The following SGCD variants were observed in gnomAD, a reference collection of about 807,000 sequenced individuals.
SGCD encodes the protein sarcoglycan delta, also known as delta-sarcoglycan.
A neutral mutation model predicts 36.6 loss-of-function variants in SGCD; 18 were observed. The ratio of observed to expected loss-of-function variants is 0.49; its 90% CI spans 0.34 to 0.73. The LOEUF is 0.73. SGCD is among the 30% of genes least tolerant of loss of function. The pLI, the probability that SGCD is intolerant of heterozygous loss-of-function variation, is 0.01. For synonymous variants in SGCD, 133 were observed against 130.6 expected, an observed-to-expected ratio of 1.02 and a Z score of -0.12; for missense variants, 387 against 346.7, an observed-to-expected ratio of 1.12 and a Z score of -0.92.
At chr5:155,916,402 T>A (rs1756742329) in intron 1 of SGCD, among the ~76,000 whole-genome samples, 1 of 152,216 alleles carries the variant, frequency 6.6e-6, no homozygotes, top group South Asian at 2.1e-4. Flanking sequence ...ATTATTTTTT[T>A]AAAAGTTTGA....
chr5:156,462,206 A>G (rs1426283651), intron 3 of SGCD, among the ~76,000 whole-genome samples: 1 of 143,308 alleles, frequency 7.0e-6, no homozygotes, highest in Admixed American at 6.9e-5. Context: ...CCAGATGACA[A>G]TAACAATAAA....
intron 1 of SGCD, among the ~76,000 whole-genome samples, chr5:156,054,284 CTTTT>C (rs70981996): frequency 6.2e-5 from 5 of 80,384 alleles, no homozygotes; most frequent in Admixed American, 1.4e-4. Context: ...AACTTTCCTT[CTTTT>C]TTTTTTTTTT....
intron 1 of SGCD, among the ~76,000 whole-genome samples, chr5:156,109,669 C>T (rs972049226): frequency 8.5e-5 from 13 of 152,266 alleles, no homozygotes; most frequent in East Asian, 1.9e-4. Flanking sequence ...CTTAATCTCT[C>T]TTCCCCTCTT....
the SGCD span, among the ~76,000 whole-genome samples, chr5:155,808,572 C>T: frequency 6.6e-6 from 1 of 152,120 alleles, no homozygotes; most frequent in Non-Finnish European, 1.5e-5. Context: ...TGGCATTGGG[C>T]AAACTATTGC....
At chr5:156,084,707 T>G (rs1206635130) in intron 1 of SGCD, among the ~76,000 whole-genome samples, 1 of 152,254 alleles carries the variant, frequency 6.6e-6, no homozygotes, top group Non-Finnish European at 1.5e-5. Flanking sequence ...CTTGTTGTGC[T>G]GACTAGGATT....
chr5:156,144,627 C>A (rs902216169), intron 3 of SGCD, among the ~76,000 whole-genome samples: 2 of 152,176 alleles, frequency 1.3e-5, no homozygotes, highest in Non-Finnish European at 2.9e-5. Flanking sequence ...ATCGTGGATT[C>A]TGGATATCAG....
intron 3 of SGCD, among the ~76,000 whole-genome samples, chr5:156,192,684 C>A (rs1382017467): frequency 1.3e-5 from 2 of 151,556 alleles, no homozygotes; most frequent in Non-Finnish European, 2.9e-5. Context: ...GCCCTAGGTA[C>A]CCTGACTTGA....
intron 1 of SGCD, among the ~76,000 whole-genome samples, chr5:156,108,481 A>G (rs1251441048): frequency 6.6e-6 from 1 of 152,142 alleles, no homozygotes; most frequent in East Asian, 1.9e-4. Flanking sequence ...TGGATGCCTG[A>G]TACATATAGC....
intron 4 of SGCD, among the ~76,000 whole-genome samples, chr5:156,528,257 A>G (rs937268806): frequency 4.6e-5 from 7 of 152,222 alleles, no homozygotes; most frequent in Middle Eastern, 3.2e-3. Flanking sequence ...AAATGGGCAT[A>G]ATAATAGCAC....
chr5:156,234,900 C>G (rs1765116810), intron 3 of SGCD, among the ~76,000 whole-genome samples: 1 of 152,084 alleles, frequency 6.6e-6, no homozygotes, highest in Non-Finnish European at 1.5e-5. Flanking sequence ...TCAAGCCATA[C>G]CTGATGTGAG....
intron 3 of SGCD, among the ~76,000 whole-genome samples, chr5:156,270,917 T>C (rs1235453259): frequency 6.6e-6 from 1 of 152,172 alleles, no homozygotes; most frequent in Non-Finnish European, 1.5e-5. Context: ...CCTTTCTTTA[T>C]ACAACCTTTA....
chr5:156,239,153 AC>A (rs1263284721), intron 3 of SGCD, among the ~76,000 whole-genome samples: 1 of 152,122 alleles, frequency 6.6e-6, no homozygotes, highest in Non-Finnish European at 1.5e-5. Flanking sequence ...TAATCCCAGC[AC>A]TTTGGGAGGC....
chr5:156,764,045 C>T lies in SGCD; in HGVS notation c.*4655C>T, dbSNP rs942355901. On this transcript the variant is annotated 3_prime_UTR_variant, in exon 9 of 9. Transcript: ENST00000337851. The stretch of plus-strand genomic sequence containing the variant: ...TCATTAAACAAGACCAGTTCTCCCT[C>T]TTCCCCCTGTCCCAAGAAATCTTAG... 6.6e-6 allele frequency: 1 copy of T among 152,218 alleles called. No individual in the cohort carries two copies. Among genetic ancestry groups the T allele is most frequent in the East Asian group, 1.9e-4 (1 of 5,196 alleles). The allele number at this position is 152,218 out of a possible 1,614,324, so 9.4% of individuals were successfully genotyped here.
chr5:156,305,729 A>G (rs995254263), intron 3 of SGCD, among the ~76,000 whole-genome samples: 1 of 152,236 alleles, frequency 6.6e-6, no homozygotes, highest in Non-Finnish European at 1.5e-5. Flanking sequence ...ATGCTAGCCC[A>G]TGATAGCAGT....
chr5:156,257,050 T>C (rs1216578682), intron 3 of SGCD, among the ~76,000 whole-genome samples: 5 of 151,854 alleles, frequency 3.3e-5, no homozygotes, highest in Admixed American at 3.3e-4. Context: ...CATGGTGGCA[T>C]GTTCCTATGG....
rs759333641 is a variant in SGCD at position 156,461,392 on chromosome 5, T to C, written c.193-47209T>C. Among the ~76,000 whole-genome samples the C allele has an allele frequency of 7.0e-4, 107 of 152,208 alleles. 1 individual carries two copies. Among genetic ancestry groups the C allele is most frequent in the Non-Finnish European group, 4.3e-4 (29 of 67,980 alleles). ...GTAACAGGATAACATTACCAGAAAT[T>C]CTGGAAGAAAGAAAATGAGGAGAAC... On this transcript the variant is annotated intron_variant, in intron 3 of 8. Coordinates refer to ENST00000337851, the MANE Select transcript of SGCD (RefSeq NM_000337.6).
chr5:156,070,060 A>G (rs532967855), intron 1 of SGCD, among the ~76,000 whole-genome samples: 2,753 of 151,526 alleles, frequency 0.018, 84 homozygotes, highest in African/African-American at 0.063. Context: ...TAGATATACA[A>G]TCATGTCATC....
At chr5:156,229,083 A>G (rs941813162) in intron 3 of SGCD, among the ~76,000 whole-genome samples, 4 of 151,650 alleles carry the variant, frequency 2.6e-5, no homozygotes, top group African/African-American at 9.7e-5. Context: ...TCTTTCTCCC[A>G]TGCTGAATGC....
chr5:156,687,402 C>T (rs180906204), intron 7 of SGCD, among the ~76,000 whole-genome samples: 115 of 152,266 alleles, frequency 7.6e-4, no homozygotes, highest in African/African-American at 2.5e-3. Context: ...TTCTTTTCCT[C>T]TCTGAAAACC....
Sources: gnomAD v4.1 joint callset for allele counts (sites outside exome capture counted in the v4.1 genomes callset) on GRCh38, gnomAD v4.1.1 for gene constraint, MANE v1.5 for transcripts, NCBI Gene and HGNC (gene_info 2026-07-23, HGNC 2026-07-21) for gene names.